The following AIDA variants were observed in gnomAD, a reference collection of about 807,000 sequenced individuals.
AIDA encodes the protein axin interactor, dorsalization associated, also known as axin interactor, dorsalization-associated protein.
AIDA carries 18 observed loss-of-function variants against 42.7 expected under a neutral mutation model. That is an observed-to-expected ratio of 0.42 (90% confidence interval 0.29 to 0.63). AIDA has a LOEUF of 0.63. Ranked by LOEUF, AIDA falls within the 20% of genes least tolerant of loss-of-function variation. The pLI is 0.19. For missense variants in AIDA, 250 were observed against 354.1 expected (o/e 0.71, Z 2.36); for synonymous variants, 104 against 122.9 (o/e 0.85, Z 1.02).
At chr1:222,706,111 A>C (rs1655831945) in intron 1 of AIDA, among the ~76,000 whole-genome samples, 1 of 152,206 alleles carries the variant, frequency 6.6e-6, no homozygotes, top group African/African-American at 2.4e-5. Context: ...AATGCAGATT[A>C]AAACCACAGT....
intron 2 of AIDA, among the ~76,000 whole-genome samples, chr1:222,699,091 C>T (rs1278447459): frequency 1.3e-5 from 2 of 152,184 alleles, no homozygotes; most frequent in African/African-American, 4.8e-5. Flanking sequence ...TCCCAAAGTG[C>T]TGCGATTACA....
rs760505202 is a variant in AIDA at position 222,693,790 on chromosome 1, T to A, written c.288A>T (p.Pro96=). Residue 96 remains proline (P), a splice_region_variant and synonymous_variant, in exon 4 of 10, where the codon CCA becomes CCT. Transcript: ENST00000340020. ...FKLEDLKKLE[P]ILKNILTYNK... is the part of the protein sequence containing the mutation. Reference sequence around the variant, plus strand: ...AAAAAAATATAAACTTAAACTTACTTGGTTCTAGCTTCTTCAGGTCCTCCA... The same window carrying A: ...AAAAAAATATAAACTTAAACTTACTAGGTTCTAGCTTCTTCAGGTCCTCCA... The A allele has an allele frequency of 1.2e-6, 2 of 1,605,894 alleles. No homozygotes were observed. The highest frequency in any genetic ancestry group is 2.2e-5 in the South Asian group (2 of 90,262).
rs756351013 is a variant in AIDA, at chr1:222,686,931, G to C, written c.459C>G (p.Pro153=). 1 of 1,612,882 alleles carries C rather than the reference G, an allele frequency of 6.2e-7. No homozygotes were observed. Among genetic ancestry groups the C allele is most frequent in the African/African-American group, 1.3e-5 (1 of 74,808 alleles). ...TTATTTTTAATAAGTGATACCTACC[G>C]GGAACTCTAGCAGGAAAAGAATCAG... ...GSPDSFPARV[P]GTLLPRLPSE... is the part of the protein sequence containing the mutation. The change falls in exon 6 of 10, where the codon CCC becomes CCG. Residue 153 remains proline, a splice_region_variant and synonymous_variant. Transcript: ENST00000340020.
At chr1:222,692,454 A>C (rs1195717205) in intron 4 of AIDA, among the ~76,000 whole-genome samples, 1 of 152,156 alleles carries the variant, frequency 6.6e-6, no homozygotes, top group Non-Finnish European at 1.5e-5. Flanking sequence ...TTTGCCACTG[A>C]CTTGTTTCAT....
intron 2 of AIDA, among the ~76,000 whole-genome samples, chr1:222,699,928 C>T (rs1418867407): frequency 6.6e-6 from 1 of 152,062 alleles, no homozygotes; most frequent in Non-Finnish European, 1.5e-5. Flanking sequence ...CCCGCCACCA[C>T]GCTGGCTAAT....
intron 1 of AIDA, among the ~76,000 whole-genome samples, chr1:222,704,527 A>G (rs1655790860): frequency 6.6e-6 from 1 of 152,252 alleles, no homozygotes; most frequent in Non-Finnish European, 1.5e-5. Flanking sequence ...CTTCAAAAAC[A>G]TTATGCTAAA....
At chr1:222,671,590 C>T (rs1664450036) in intron 8 of AIDA, among the ~76,000 whole-genome samples, 1 of 151,848 alleles carries the variant, frequency 6.6e-6, no homozygotes, top group Non-Finnish European at 1.5e-5. Flanking sequence ...CATCACATGG[C>T]AAGGGAGGAA....
chr1:222,692,980 A>G (rs1442608957), intron 4 of AIDA, among the ~76,000 whole-genome samples: 3 of 152,226 alleles, frequency 2.0e-5, no homozygotes, highest in Non-Finnish European at 4.4e-5. Context: ...AGTTATAGTC[A>G]TTAATTTTCC....
chr1:222,693,934 G>T, intron 3 of AIDA, 91 bp from the exon 4 acceptor site: 1 of 1,126,874 alleles, frequency 8.9e-7, no homozygotes. Context: ...TATTCAAAAG[G>T]ATTCTATTTC....
chr1:222,703,112 TGGAA>T (rs1244680444), intron 2 of AIDA, 32 bp downstream of exon 2: 2 of 1,519,558 alleles, frequency 1.3e-6, no homozygotes, highest in Admixed American at 4.4e-5. Context: ...ACTTTTTGTT[TGGAA>T]TCTGATATAT....
intron 2 of AIDA, among the ~76,000 whole-genome samples, chr1:222,696,506 A>C (rs1655525281): frequency 6.6e-6 from 1 of 152,204 alleles, no homozygotes; most frequent in African/African-American, 2.4e-5. Flanking sequence ...AAGCACAGAG[A>C]GGTTAAGTAA....
intron 2 of AIDA, among the ~76,000 whole-genome samples, chr1:222,696,934 T>C (rs1655536429): frequency 6.6e-6 from 1 of 151,974 alleles, no homozygotes; most frequent in African/African-American, 2.4e-5. Flanking sequence ...CAACAGGTGT[T>C]TTTTGTTTGT....
chr1:222,710,408 G>T (rs1452282851), intron 1 of AIDA, among the ~76,000 whole-genome samples: 1 of 152,190 alleles, frequency 6.6e-6, no homozygotes, highest in East Asian at 1.9e-4. Flanking sequence ...AAACTAAACA[G>T]CTTGCATATT....
chr1:222,704,999 G>A (rs996846506), intron 1 of AIDA, among the ~76,000 whole-genome samples: 2 of 152,174 alleles, frequency 1.3e-5, no homozygotes, highest in African/African-American at 2.4e-5. Flanking sequence ...TACTAGATGG[G>A]AGTTCTATGC....
chr1:222,691,946 T>C (rs955077116), intron 4 of AIDA, among the ~76,000 whole-genome samples: 5 of 152,216 alleles, frequency 3.3e-5, no homozygotes, highest in African/African-American at 1.2e-4. Flanking sequence ...AAGGAAATGT[T>C]TGTTCTGGCA....
At chr1:222,676,348 A>T in intron 6 of AIDA, 130 bp from the exon 7 acceptor site, 1 of 1,026,482 alleles carries the variant, frequency 9.7e-7, no homozygotes, top group South Asian at 2.3e-5. Context: ...GGTTCCCGAA[A>T]CTCCCAAACG....
At chr1:222,688,270 T>A (rs190244342) in intron 4 of AIDA, among the ~76,000 whole-genome samples, 2,460 of 152,338 alleles carry the variant, frequency 0.016, 67 homozygotes, top group African/African-American at 0.055. Context: ...TGTCCTGAGA[T>A]TTCCTCTCAA....
intron 7 of AIDA, 82 bp downstream of exon 7, chr1:222,676,014 A>C: frequency 6.9e-7 from 1 of 1,445,912 alleles, no homozygotes; most frequent in South Asian, 1.6e-5. Flanking sequence ...TCCCCGCCCC[A>C]CCACCAAAAT....
chr1:222,692,178 T>C (rs1655390446), intron 4 of AIDA, among the ~76,000 whole-genome samples: 1 of 152,204 alleles, frequency 6.6e-6, no homozygotes, highest in Non-Finnish European at 1.5e-5. Flanking sequence ...CTAATTATAC[T>C]TTAGGAGGAT....
Sources: allele counts gnomAD v4.1 joint callset (sites outside exome capture counted in the v4.1 genomes callset), GRCh38; gene constraint gnomAD v4.1.1; transcripts MANE v1.5; gene names NCBI Gene and HGNC (gene_info 2026-07-23, HGNC 2026-07-21).